TAB2: variants seen among roughly 807,000 people sequenced by gnomAD.
The protein encoded by TAB2 is TGF-beta activated kinase 1 (MAP3K7) binding protein 2.
Under a neutral mutation model 65.0 loss-of-function variants are expected in TAB2, and 3 were observed. That is an observed-to-expected ratio of 0.05 (90% CI 0.02 to 0.12). TAB2 has a LOEUF of 0.12. Among genes scored for constraint, TAB2 ranks in the 10% least tolerant of loss-of-function variants. The pLI, the probability that TAB2 is intolerant of heterozygous loss-of-function variation, is 1.00. For synonymous variants in TAB2, 298 were observed against 285.1 expected, an observed-to-expected ratio of 1.05 and a Z score of -0.46; for missense variants, 623 against 840.3, an observed-to-expected ratio of 0.74 and a Z score of 3.20.
intron 6 of TAB2, among the ~76,000 whole-genome samples, chr6:149,403,870 G>T (rs985618729): frequency 6.6e-6 from 1 of 151,990 alleles, no homozygotes; most frequent in Admixed American, 6.6e-5. Context: ...TATTCATGAA[G>T]GATCCATCCC....
chr6:149,403,415 A>G (rs1782552047), intron 6 of TAB2, among the ~76,000 whole-genome samples: 1 of 150,204 alleles, frequency 6.7e-6, no homozygotes, highest in South Asian at 2.1e-4. Flanking sequence ...AAGGCCATAT[A>G]TAAAAACCCC....
upstream of TAB2, among the ~76,000 whole-genome samples, chr6:149,317,111 G>A (rs983854730): frequency 6.6e-6 from 1 of 151,346 alleles, no homozygotes; most frequent in African/African-American, 2.4e-5. The surrounding 1 kb of genome is among the most constrained non-coding windows in gnomAD (Gnocchi z 4.7). Context: ...ACCCACTTCC[G>A]GACCCGGCCA....
intron 1 of TAB2, among the ~76,000 whole-genome samples, chr6:149,222,773 GCTGATGC>G (rs1242769051): frequency 6.6e-6 from 1 of 151,810 alleles, no homozygotes; most frequent in Admixed American, 6.6e-5. Context: ...CACTTTTCTT[GCTGATGC>G]CTGGCCATAG....
chr6:149,275,038 T>C (rs771861876), intron 1 of TAB2, among the ~76,000 whole-genome samples: 2 of 151,706 alleles, frequency 1.3e-5, no homozygotes, highest in Non-Finnish European at 2.9e-5. Flanking sequence ...GGGCTTAGAG[T>C]TAGATGAAGA....
At position 149,378,175 on chromosome 6, in the gene TAB2, T is replaced by C; in HGVS notation, c.260T>C (p.Ile87Thr). Residue 87 changes from isoleucine (I) to threonine (T), a missense_variant, in exon 3 of 7, where the codon ATT (isoleucine) becomes ACT (threonine). This residue lies in a region of TAB2 where 550 missense variants were observed against 665.7 expected (regional missense o/e 0.83). Coordinates refer to ENST00000637181, the MANE Select transcript of TAB2 (RefSeq NM_001292034.3). ...AACTTGGACTTGCAATCACAGAACA[T>C]TTACCACCATGGAAGAGAAGGAAGT... is the stretch of plus-strand genomic sequence containing the variant. ...SLNLDLQSQN[I>T]YHHGREGSRM... 1 of 1,614,118 alleles carries C rather than the reference T, an allele frequency of 6.2e-7. No individual in the cohort carries two copies.
intron 3 of TAB2, among the ~76,000 whole-genome samples, chr6:149,393,524 A>G (rs1241251850): frequency 6.6e-6 from 1 of 152,176 alleles, no homozygotes; most frequent in Non-Finnish European, 1.5e-5. Context: ...AGTCTCCTAA[A>G]TCATCATTGA....
intron 1 of TAB2, chr6:149,304,211 C>A (rs527972860): frequency 6.6e-6 from 1 of 152,506 alleles, no homozygotes; most frequent in South Asian, 2.1e-4. Context: ...CTTGTGATCC[C>A]AGTCCTGAAC....
intron 3 of TAB2, among the ~76,000 whole-genome samples, chr6:149,380,302 C>T (rs560181191): frequency 6.6e-6 from 1 of 152,262 alleles, no homozygotes; most frequent in South Asian, 2.1e-4. Context: ...TATATTAAGT[C>T]TATTACTGCG....
intron 1 of TAB2, among the ~76,000 whole-genome samples, chr6:149,320,888 C>T (rs1583085837): frequency 6.6e-6 from 1 of 152,298 alleles, no homozygotes. Flanking sequence ...ACACTAGTAG[C>T]ACTTTTCCTT....
chr6:149,256,995 A>G (rs1583050773), intron 1 of TAB2, among the ~76,000 whole-genome samples: 1 of 152,200 alleles, frequency 6.6e-6, no homozygotes, highest in African/African-American at 2.4e-5. Flanking sequence ...CTGATCCCAA[A>G]CATTTCACGT....
chr6:149,233,783 CT>C (rs1777447742), intron 1 of TAB2, among the ~76,000 whole-genome samples: 1 of 152,160 alleles, frequency 6.6e-6, no homozygotes, highest in Admixed American at 6.5e-5. Flanking sequence ...TTTGCAACTA[CT>C]TTTAATGGCA....
In TAB2 at chr6:149,409,911, T is replaced by A; in HGVS notation, c.*192T>A. The A allele has an allele frequency of 6.0e-6, 4 of 661,628 alleles. No individual in the cohort carries two copies. The highest frequency in any genetic ancestry group is 1.9e-5 in the South Asian group (1 of 53,874). The allele number at this position is 661,628 out of a possible 1,614,324, so 41.0% of individuals were successfully genotyped here. ...GTATAATGTCATGAGCAGTTGAAAT[T>A]CATCACATGAAAAGTAATCTGCTGA... On this transcript the variant is annotated 3_prime_UTR_variant, in exon 7 of 7. Transcript: ENST00000637181.
intron 5 of TAB2, among the ~76,000 whole-genome samples, 158 bp from the exon 6 acceptor site, chr6:149,398,946 T>C (rs1355530800): frequency 6.6e-6 from 1 of 152,166 alleles, no homozygotes; most frequent in African/African-American, 2.4e-5. Context: ...ATTTGAAATA[T>C]GTTTTGAAAT....
At chr6:149,281,387 A>T (rs562099886) in intron 1 of TAB2, among the ~76,000 whole-genome samples, 1 of 152,046 alleles carries the variant, frequency 6.6e-6, no homozygotes, top group South Asian at 2.1e-4. Flanking sequence ...AGTTATAACC[A>T]ATAATCCAGC....
chr6:149,335,691 A>G (rs1779914294), intron 1 of TAB2, among the ~76,000 whole-genome samples: 1 of 152,064 alleles, frequency 6.6e-6, no homozygotes, highest in African/African-American at 2.4e-5. Context: ...TTATTTTTAC[A>G]TCAAATAAAT....
At chr6:149,282,298 T>G (rs1237401340) in intron 1 of TAB2, among the ~76,000 whole-genome samples, 1 of 152,002 alleles carries the variant, frequency 6.6e-6, no homozygotes, top group Admixed American at 6.6e-5. Flanking sequence ...TAGGGAGAAA[T>G]ATACAAATCT....
At chr6:149,280,533 A>G (rs545891294) in intron 1 of TAB2, among the ~76,000 whole-genome samples, 9 of 152,298 alleles carry the variant, frequency 5.9e-5, no homozygotes, top group African/African-American at 2.2e-4. Flanking sequence ...TCTTGTCCAC[A>G]TATCAGGGAT....
intron 1 of TAB2, among the ~76,000 whole-genome samples, chr6:149,337,530 T>G (rs1779971146): frequency 6.6e-6 from 1 of 152,162 alleles, no homozygotes; most frequent in Non-Finnish European, 1.5e-5. Flanking sequence ...TTTGTTTCAG[T>G]TACAGAATAG....
At chr6:149,405,826 A>G (rs1037847396) in intron 6 of TAB2, among the ~76,000 whole-genome samples, 5 of 152,160 alleles carry the variant, frequency 3.3e-5, no homozygotes, top group African/African-American at 1.2e-4. Flanking sequence ...TCTAGTGTAC[A>G]ACAGTGTGAC....
Sources: gnomAD v4.1 joint callset for allele counts (sites outside exome capture counted in the v4.1 genomes callset) on GRCh38, gnomAD v4.1.1 for gene constraint, gnomAD v4.1.1 regional missense constraint, Gnocchi (gnomAD v3.1) non-coding constraint, MANE v1.5 for transcripts, NCBI Gene and HGNC (gene_info 2026-07-23, HGNC 2026-07-21) for gene names.